ARSJ: variants seen among roughly 807,000 people sequenced by gnomAD.
The protein encoded by ARSJ is arylsulfatase family member J.
Under a neutral mutation model 35.9 loss-of-function variants are expected in ARSJ, and 26 were observed. The ratio of observed to expected loss-of-function variants is 0.72; its 90% CI spans 0.53 to 1.00. The LOEUF (loss-of-function observed/expected upper bound fraction) is 1.00. ARSJ is among the 50% of genes least tolerant of loss of function. ARSJ has a pLI of 0.00. For synonymous variants in ARSJ, 294 were observed against 267.6 expected (o/e 1.10, Z -0.96); for missense variants, 667 against 723.6 (o/e 0.92, Z 0.90).
intron 1 of ARSJ, among the ~76,000 whole-genome samples, chr4:113,937,766 T>C (rs903347606): frequency 4.0e-5 from 6 of 151,896 alleles, no homozygotes; most frequent in Non-Finnish European, 7.4e-5. Flanking sequence ...GAGAGCCAAA[T>C]CATGAATGAA....
intron 1 of ARSJ, among the ~76,000 whole-genome samples, chr4:113,920,294 A>G (rs1723587767): frequency 6.6e-6 from 1 of 152,202 alleles, no homozygotes; most frequent in South Asian, 2.1e-4. Flanking sequence ...GGTAATAGGT[A>G]CAGATGAGCA....
chr4:113,915,952 G>T (rs1466757741), intron 1 of ARSJ, among the ~76,000 whole-genome samples: 1 of 152,190 alleles, frequency 6.6e-6, no homozygotes, highest in Admixed American at 6.5e-5. Flanking sequence ...ACTGCTTATA[G>T]ACTGGAAAGG....
At chr4:113,908,872 C>T (rs1008233776) in intron 1 of ARSJ, among the ~76,000 whole-genome samples, 10 of 151,952 alleles carry the variant, frequency 6.6e-5, no homozygotes, top group Non-Finnish European at 8.8e-5. Context: ...GTATGTATTC[C>T]AATTTGGAGA....
intron 1 of ARSJ, among the ~76,000 whole-genome samples, chr4:113,953,118 T>G (rs1470522316): frequency 6.6e-6 from 1 of 152,036 alleles, no homozygotes; most frequent in Non-Finnish European, 1.5e-5. Context: ...GAAATTTAAG[T>G]GGCAAAACTG....
intron 1 of ARSJ, among the ~76,000 whole-genome samples, chr4:113,959,740 A>G (rs1726422190): frequency 6.6e-6 from 1 of 152,096 alleles, no homozygotes; most frequent in African/African-American, 2.4e-5. Flanking sequence ...CATGAGATTA[A>G]CTGTTTCATC....
intron 1 of ARSJ, among the ~76,000 whole-genome samples, chr4:113,975,285 T>C (rs925047166): frequency 6.6e-6 from 1 of 152,116 alleles, no homozygotes; most frequent in Non-Finnish European, 1.5e-5. Context: ...GTGGGATAAA[T>C]GAGTAACAAA....
intron 1 of ARSJ, among the ~76,000 whole-genome samples, chr4:113,946,572 TAC>T (rs138434069): frequency 3.3e-4 from 49 of 147,056 alleles, no homozygotes; most frequent in South Asian, 4.3e-4. Context: ...ACACACACCA[TAC>T]ACACACACAC....
At chr4:113,943,011 G>T (rs1725252456) in intron 1 of ARSJ, among the ~76,000 whole-genome samples, 1 of 151,890 alleles carries the variant, frequency 6.6e-6, no homozygotes, top group African/African-American at 2.4e-5. Flanking sequence ...AATCTCTTTG[G>T]TGGATCCCAA....
Position 113,949,419 on chromosome 4 carries a change from G to T in ARSJ, c.398+29018C>A, listed in dbSNP as rs574969366. 3.9e-5 allele frequency among the ~76,000 whole-genome samples: 6 copies of T among 152,154 alleles called. No homozygotes were observed. The East Asian group carries it at 1.2e-3, about 30-fold the overall frequency. ...TTTTCTGGCTAGAATTGAAGATCTG[G>T]TGAGTACCAGAGACTATCTCTTTCC... On this transcript the variant is annotated intron_variant, in intron 1 of 1. Coordinates refer to ENST00000315366, the MANE Select transcript of ARSJ (RefSeq NM_024590.4).
Position 113,979,129 on chromosome 4 carries a change from T to A in ARSJ, c.-295A>T. Reference sequence around the variant, plus strand: ...GAAAAAAAAAAGAAAAAAGTTAATATCTCCACCCAAAAGTTCTCTGGAGAA... The same window carrying A: ...GAAAAAAAAAAGAAAAAAGTTAATAACTCCACCCAAAAGTTCTCTGGAGAA... On this transcript the variant is annotated 5_prime_UTR_variant, in exon 1 of 2. Coordinates refer to ENST00000315366, the MANE Select transcript of ARSJ (RefSeq NM_024590.4). 3.5e-6 allele frequency: 1 copy of A among 282,080 alleles called. No homozygotes were observed. Among genetic ancestry groups the A allele is most frequent in the Non-Finnish European group, 6.6e-6 (1 of 150,596 alleles). 17.5% of individuals were successfully genotyped at this position (282,080 alleles called of 1,614,324 possible). A position where few individuals can be genotyped will look rare whatever the true frequency, so the allele number is the denominator to read the frequency against.
chr4:113,968,811 G>A (rs939345515), intron 1 of ARSJ, among the ~76,000 whole-genome samples: 6 of 152,122 alleles, frequency 3.9e-5, no homozygotes, highest in African/African-American at 1.2e-4. Flanking sequence ...TTCGACTATT[G>A]TAGGAATTTT....
At position 113,901,138 on chromosome 4, in the gene ARSJ, C is replaced by A. The variant is rs971190968; in HGVS notation, c.*1136G>T. The A allele has an allele frequency of 1.3e-5, 2 of 152,070 alleles. No homozygotes were observed. Among genetic ancestry groups the A allele is most frequent in the Non-Finnish European group, 2.9e-5 (2 of 68,018 alleles). 9.4% of individuals were successfully genotyped at this position (152,070 alleles called of 1,614,324 possible). ...TTTTTATTTTTTAGGACCAATGATACAATTTTAGCTAGAAGTTAGATCAGA... is the reference window on the plus strand; with the variant it reads ...TTTTTATTTTTTAGGACCAATGATAAAATTTTAGCTAGAAGTTAGATCAGA... On this transcript the variant is annotated 3_prime_UTR_variant, in exon 2 of 2. Coordinates refer to ENST00000315366, the MANE Select transcript of ARSJ (RefSeq NM_024590.4).
chr4:113,917,280 C>T (rs1423579938), intron 1 of ARSJ, among the ~76,000 whole-genome samples: 2 of 152,104 alleles, frequency 1.3e-5, no homozygotes, highest in Admixed American at 1.3e-4. Context: ...TATGCCTTGC[C>T]TGCCACCTCC....
intron 1 of ARSJ, among the ~76,000 whole-genome samples, chr4:113,942,921 TA>T (rs1055038141): frequency 3.9e-5 from 6 of 151,924 alleles, no homozygotes; most frequent in Non-Finnish European, 7.4e-5. Flanking sequence ...ACCTAGCTAT[TA>T]AAAAAAAGTA....
chr4:113,900,333 C>A lies in ARSJ; in HGVS notation c.*1941G>T, dbSNP rs546364350. ...TTAAGACTCATTTAAAAGATACTGTCGACAAAACACAAACTTTAGGAAATA... is the reference window on the plus strand; with the variant it reads ...TTAAGACTCATTTAAAAGATACTGTAGACAAAACACAAACTTTAGGAAATA... On this transcript the variant is annotated 3_prime_UTR_variant, in exon 2 of 2. Coordinates refer to ENST00000315366, the MANE Select transcript of ARSJ (RefSeq NM_024590.4). 1 of 151,860 alleles carries A rather than the reference C, an allele frequency of 6.6e-6. No homozygotes were observed. Among genetic ancestry groups the A allele is most frequent in the South Asian group, 2.1e-4 (1 of 4,812 alleles). 9.4% of individuals were successfully genotyped at this position (151,860 alleles called of 1,614,324 possible).
intron 1 of ARSJ, among the ~76,000 whole-genome samples, chr4:113,919,168 A>G (rs1723509794): frequency 6.6e-6 from 1 of 152,144 alleles, no homozygotes; most frequent in Non-Finnish European, 1.5e-5. Context: ...GTCCTAGACT[A>G]GAAGAAGAGA....
At chr4:113,947,772 T>C (rs1725592005) in intron 1 of ARSJ, among the ~76,000 whole-genome samples, 2 of 152,172 alleles carry the variant, frequency 1.3e-5, no homozygotes, top group Admixed American at 1.3e-4. Flanking sequence ...TTTTTGTTCA[T>C]TAAGCTTGAG....
chr4:113,927,992 T>G (rs1222724417), intron 1 of ARSJ, among the ~76,000 whole-genome samples: 1 of 152,166 alleles, frequency 6.6e-6, no homozygotes. Context: ...TGCCAGCTGC[T>G]AAGTATGTCT....
intron 1 of ARSJ, among the ~76,000 whole-genome samples, chr4:113,939,194 G>C (rs1398358197): frequency 2.0e-5 from 3 of 149,582 alleles, no homozygotes; most frequent in Non-Finnish European, 4.5e-5. Context: ...AGTTTACTGA[G>C]AATGATGATT....
Sources: gnomAD v4.1 joint callset for allele counts (sites outside exome capture counted in the v4.1 genomes callset) on GRCh38, gnomAD v4.1.1 for gene constraint, MANE v1.5 for transcripts, NCBI Gene and HGNC (gene_info 2026-07-23, HGNC 2026-07-21) for gene names.